The following EBF3 variants were observed in gnomAD, a reference collection of about 807,000 sequenced individuals.
EBF3 encodes the protein EBF transcription factor 3.
A neutral mutation model predicts 77.1 loss-of-function variants in EBF3; 18 were observed. That is an observed-to-expected ratio of 0.23 (90% CI 0.16 to 0.35). EBF3 has a LOEUF of 0.35. Ranked by LOEUF, EBF3 falls within the 10% of genes least tolerant of loss-of-function variation. EBF3 has a pLI of 1.00. For synonymous variants in EBF3, 350 were observed against 343.5 expected (o/e 1.02, Z -0.21); for missense variants, 558 against 860.0 (o/e 0.65, Z 4.39).
Position 129,848,595 on chromosome 10 carries a change from G to A in EBF3, c.1040-115C>T. On this transcript the variant is annotated intron_variant, in intron 10 of 16. Coordinates refer to ENST00000440978, the MANE Select transcript of EBF3 (RefSeq NM_001375380.1). The surrounding 1 kb of genome is among the most constrained non-coding windows in gnomAD (Gnocchi z 4.4). Reference sequence around the variant, plus strand: ...TTCTCCTGCTCTGATGCTCTCTAAGGCAAGCACCCCTGAATACTAGCTGTG... The same window carrying A: ...TTCTCCTGCTCTGATGCTCTCTAAGACAAGCACCCCTGAATACTAGCTGTG... The A allele has an allele frequency of 9.1e-7, 1 of 1,097,896 alleles. No individual in the cohort carries two copies. The highest frequency in any genetic ancestry group is 1.4e-6 in the Non-Finnish European group (1 of 716,830). The allele number at this position is 1,097,896 out of a possible 1,614,324, so 68.0% of individuals were successfully genotyped here.
intron 6 of EBF3, among the ~76,000 whole-genome samples, chr10:129,927,568 C>A (rs1163000459): frequency 6.6e-6 from 1 of 152,180 alleles, no homozygotes; most frequent in African/African-American, 2.4e-5. Flanking sequence ...CTGGCAACGA[C>A]GGGGAGCTCA....
chr10:129,963,732 T>TC lies in EBF3; in HGVS notation c.36dup (p.Thr13AspfsTer65). ...CCCAGCGGCTCCTCCTTCATGGTCG[T>TC]CCCCCCGCGCGGAATATTCTCCTGA... On this transcript the variant is annotated frameshift_variant, in exon 1 of 17. Transcript: ENST00000440978. LOFTEE classifies it high-confidence loss of function. The surrounding 1 kb of genome is among the most constrained non-coding windows in gnomAD (Gnocchi z 7.1). 6.5e-6 allele frequency: 10 copies of TC among 1,533,102 alleles called. No individual in the cohort carries two copies. Among genetic ancestry groups the TC allele is most frequent in the East Asian group, 5.3e-5 (2 of 37,524 alleles). 95.0% of individuals were successfully genotyped at this position (1,533,102 alleles called of 1,614,324 possible). A position where few individuals can be genotyped will look rare whatever the true frequency, so the allele number is the denominator to read the frequency against.
rs902165693 is a variant in EBF3, at chr10:129,879,976, C to A, written c.555-2127G>T. The stretch of plus-strand genomic sequence containing the variant: ...AGCTGCTCATCTGCAAATGTACCTG[C>A]ACGGAGCCATCTCCAGGAGCTTTGT... On this transcript the variant is annotated intron_variant, in intron 6 of 16. Transcript: ENST00000440978. This position sits in a 1 kb window ranked among gnomAD's most constrained non-coding sequence, Gnocchi z 4.7. Among the ~76,000 whole-genome samples, 1 of 152,192 alleles carries A rather than the reference C, an allele frequency of 6.6e-6. No homozygotes were observed. The highest frequency in any genetic ancestry group is 1.5e-5 in the Non-Finnish European group (1 of 68,040).
intron 6 of EBF3, among the ~76,000 whole-genome samples, chr10:129,889,874 A>G (rs2134189760): frequency 7.1e-6 from 1 of 141,604 alleles, no homozygotes; most frequent in Non-Finnish European, 1.5e-5. Flanking sequence ...CACTTTTACT[A>G]CCCTGTAACT....
intron 11 of EBF3, among the ~76,000 whole-genome samples, chr10:129,844,762 T>C (rs1032219312): frequency 2.0e-5 from 3 of 152,120 alleles, no homozygotes; most frequent in Non-Finnish European, 4.4e-5. Flanking sequence ...CTAGTTTGCA[T>C]ACAAATAAAG....
intron 10 of EBF3, among the ~76,000 whole-genome samples, chr10:129,851,927 G>A (rs1170452804): frequency 6.6e-6 from 1 of 152,122 alleles, no homozygotes. Flanking sequence ...ATTTGAGTAG[G>A]CTACCGCGGC....
chr10:129,867,805 C>T lies in EBF3; in HGVS notation c.889G>A (p.Gly297Arg). The change falls in exon 9 of 17, where the codon GGA (glycine) becomes AGA (arginine). Residue 297 changes from glycine to arginine, a missense_variant. Physicochemically the swap from Gly to Arg is moderately radical, Grantham distance 125 (BLOSUM62 -2). This residue lies in a region of EBF3 where 112 missense variants were observed against 207.7 expected (regional missense o/e 0.54). Coordinates refer to ENST00000440978, the MANE Select transcript of EBF3 (RefSeq NM_001375380.1). ...NFFDGLQVVF[G>R]TMLVWSELIT... The stretch of plus-strand genomic sequence containing the variant: ...ACCTCGCTCCACACCAACATAGTTC[C>T]GAATACAACTTGCAGCCCGTCAAAG... 2 of 1,614,226 alleles carry T rather than the reference C, an allele frequency of 1.2e-6. No individual in the cohort carries two copies. The highest frequency in any genetic ancestry group is 8.5e-7 in the Non-Finnish European group (1 of 1,180,038).
intron 6 of EBF3, among the ~76,000 whole-genome samples, chr10:129,919,850 T>C (rs1856146058): frequency 6.6e-6 from 1 of 152,144 alleles, no homozygotes; most frequent in African/African-American, 2.4e-5. Flanking sequence ...TTCGCCACCA[T>C]GAGCCAGGAG....
At chr10:129,893,327 A>G (rs929578329) in intron 6 of EBF3, among the ~76,000 whole-genome samples, 1 of 152,206 alleles carries the variant, frequency 6.6e-6, no homozygotes, top group South Asian at 2.1e-4. Flanking sequence ...CAACAGCACC[A>G]CATATGGCCC....
At chr10:129,901,967 C>T (rs1449428678) in intron 6 of EBF3, among the ~76,000 whole-genome samples, 1 of 152,226 alleles carries the variant, frequency 6.6e-6, no homozygotes, top group Non-Finnish European at 1.5e-5. Flanking sequence ...ATTGTCTTTA[C>T]AGCGTCTACC....
chr10:129,887,026 G>A (rs898180292), intron 6 of EBF3, among the ~76,000 whole-genome samples: 14 of 143,154 alleles, frequency 9.8e-5, no homozygotes, highest in Admixed American at 3.5e-4. Flanking sequence ...GCACAGGCCC[G>A]GGGAAGAGGC....
intron 6 of EBF3, among the ~76,000 whole-genome samples, chr10:129,950,707 T>C (rs929607672): frequency 3.9e-5 from 6 of 152,266 alleles, no homozygotes; most frequent in African/African-American, 1.4e-4. Context: ...GCCATATTTT[T>C]ATTAAAGCAT....
intron 6 of EBF3, among the ~76,000 whole-genome samples, chr10:129,916,192 TG>T (rs1433079600): frequency 2.6e-5 from 4 of 152,012 alleles, no homozygotes; most frequent in African/African-American, 7.2e-5. Context: ...TGTGAGAGCC[TG>T]GGGGAGAGAC....
At chr10:129,855,484 G>T (rs1851189834) in intron 10 of EBF3, among the ~76,000 whole-genome samples, 1 of 152,224 alleles carries the variant, frequency 6.6e-6, no homozygotes, top group African/African-American at 2.4e-5. Context: ...CAGCCCTGCA[G>T]CTCGGAAAAC....
intron 6 of EBF3, among the ~76,000 whole-genome samples, chr10:129,936,042 G>A (rs542538420): frequency 6.6e-6 from 1 of 152,314 alleles, no homozygotes; most frequent in Admixed American, 6.5e-5. Context: ...AGGTGCAGAT[G>A]GTTCTGGGGG....
intron 10 of EBF3, among the ~76,000 whole-genome samples, chr10:129,851,507 A>G (rs1850879252): frequency 6.6e-6 from 1 of 152,144 alleles, no homozygotes; most frequent in Non-Finnish European, 1.5e-5. Flanking sequence ...ACAAAAACAA[A>G]TGTTATTTTC....
In EBF3 at chr10:129,863,880, G is replaced by T. The variant is rs955551447; in HGVS notation, c.1039+3261C>A. Among the ~76,000 whole-genome samples the T allele has an allele frequency of 2.6e-5, 4 of 152,166 alleles. No homozygotes were observed. The highest frequency in any genetic ancestry group is 9.7e-5 in the African/African-American group (4 of 41,448). On this transcript the variant is annotated intron_variant, in intron 10 of 16. Coordinates refer to ENST00000440978, the MANE Select transcript of EBF3 (RefSeq NM_001375380.1). This position sits in a 1 kb window ranked among gnomAD's most constrained non-coding sequence, Gnocchi z 4.0. ...ATATTCCTGTTAATGACTGGGGTGT[G>T]GGGGAGCCAATAGGTTAACCTCCAG...
intron 6 of EBF3, among the ~76,000 whole-genome samples, chr10:129,955,413 A>G (rs1167810182): frequency 6.6e-6 from 1 of 152,192 alleles, no homozygotes; most frequent in African/African-American, 2.4e-5. Context: ...CCATTAACCA[A>G]ATGTTTTTAC....
In EBF3 at chr10:129,843,482, G is replaced by A. The variant is rs532753259; in HGVS notation, c.1129-280C>T. On this transcript the variant is annotated intron_variant, in intron 11 of 16. Transcript: ENST00000440978. ...TGCACGGACAAGCGGGAGGGCCGGC[G>A]GAGAACGAGCCCAATCCGTGCCTGA... The A allele has an allele frequency of 1.2e-4, 48 of 391,400 alleles. No homozygotes were observed. In the South Asian group the frequency reaches 1.7e-3, roughly 14 times the overall value. The allele number at this position is 391,400 out of a possible 1,614,324, so 24.2% of individuals were successfully genotyped here.
Sources: allele counts gnomAD v4.1 joint callset (sites outside exome capture counted in the v4.1 genomes callset), GRCh38; gene constraint gnomAD v4.1.1; regional missense constraint gnomAD v4.1.1; non-coding constraint Gnocchi (gnomAD v3.1); transcripts MANE v1.5; gene names NCBI Gene and HGNC (gene_info 2026-07-23, HGNC 2026-07-21).